Variants in PTPRG observed in about 807,000 individuals in gnomAD.
The protein encoded by PTPRG is receptor-type tyrosine-protein phosphatase gamma.
A neutral mutation model predicts 165.3 loss-of-function variants in PTPRG; 102 were observed. That is an observed-to-expected ratio of 0.62 (90% CI 0.53 to 0.73). The LOEUF (loss-of-function observed/expected upper bound fraction) is 0.73. PTPRG is among the 30% of genes least tolerant of loss of function. The pLI is 0.00. For missense variants in PTPRG, 1,866 were observed against 1,861.4 expected, an observed-to-expected ratio of 1.00 and a Z score of -0.05; for synonymous variants, 675 against 669.5, an observed-to-expected ratio of 1.01 and a Z score of -0.13.
intron 2 of PTPRG, among the ~76,000 whole-genome samples, chr3:61,963,375 A>G (rs1285564923): frequency 6.6e-6 from 1 of 152,194 alleles, no homozygotes; most frequent in Non-Finnish European, 1.5e-5. Flanking sequence ...CATGAACTGC[A>G]GTAAAAGATA....
intron 2 of PTPRG, among the ~76,000 whole-genome samples, chr3:61,781,932 T>C (rs887005167): frequency 1.3e-5 from 2 of 150,524 alleles, no homozygotes; most frequent in African/African-American, 4.9e-5. Flanking sequence ...GATACTACTA[T>C]GTTTCCCAGG....
chr3:61,567,630 C>T (rs1034230439), intron 1 of PTPRG, among the ~76,000 whole-genome samples: 7 of 147,006 alleles, frequency 4.8e-5, no homozygotes, highest in African/African-American at 1.3e-4. Flanking sequence ...CATGCCACTG[C>T]ACTCCAGCTT....
intron 2 of PTPRG, among the ~76,000 whole-genome samples, chr3:61,813,327 T>TAAAAA (rs757811011): frequency 4.6e-5 from 4 of 87,502 alleles, no homozygotes; most frequent in East Asian, 3.1e-4. Context: ...CCATGATTAC[T>TAAAAA]AAAAAAAAAA....
chr3:61,828,017 A>C (rs375210871), intron 2 of PTPRG, among the ~76,000 whole-genome samples: 4 of 152,198 alleles, frequency 2.6e-5, no homozygotes, highest in African/African-American at 9.6e-5. Context: ...TGATTCTTAG[A>C]TCAAGTCAGT....
At chr3:61,988,768 G>A (rs2040821194) in intron 2 of PTPRG, among the ~76,000 whole-genome samples, 1 of 152,162 alleles carries the variant, frequency 6.6e-6, no homozygotes, top group Non-Finnish European at 1.5e-5. Context: ...AAGGTTAAAA[G>A]TAGGATGCAG....
intron 1 of PTPRG, among the ~76,000 whole-genome samples, chr3:61,618,683 T>G (rs566211044): frequency 1.3e-5 from 2 of 152,276 alleles, no homozygotes; most frequent in South Asian, 4.1e-4. Context: ...TCTGAAGAAA[T>G]TTTTCTTAAG....
intron 1 of PTPRG, among the ~76,000 whole-genome samples, chr3:61,575,781 A>G (rs865972360): frequency 6.6e-6 from 1 of 151,832 alleles, no homozygotes; most frequent in Non-Finnish European, 1.5e-5. Flanking sequence ...TATATTTTAC[A>G]TAGAGATGAG....
At chr3:61,781,908 T>TTTTA (rs71100979) in intron 2 of PTPRG, among the ~76,000 whole-genome samples, 1 of 150,634 alleles carries the variant, frequency 6.6e-6, no homozygotes, top group African/African-American at 2.4e-5. Flanking sequence ...TTTTTTTTTT[T>TTTTA]ATGGTAGAGA....
intron 4 of PTPRG, among the ~76,000 whole-genome samples, chr3:62,029,467 A>G (rs938964362): frequency 6.6e-6 from 1 of 152,232 alleles, no homozygotes; most frequent in Non-Finnish European, 1.5e-5. Flanking sequence ...AAACGCTAAA[A>G]CACTAGATAT....
chr3:62,167,939 T>C (rs565604114), intron 7 of PTPRG, 32 bp from the exon 8 acceptor site: 3 of 1,568,848 alleles, frequency 1.9e-6, no homozygotes, highest in Non-Finnish European at 2.6e-6. Context: ...TTGTTTTTTT[T>C]TTCCCCCTCC....
rs145016700 is a variant in PTPRG at position 62,218,947 on chromosome 3, G to T, written c.2252G>T (p.Cys751Phe). Residue 751 changes from cysteine (C) to phenylalanine (F), a missense_variant, in exon 13 of 30, where the codon TGC becomes TTC. Around this residue, in one of 3 missense-constraint regions of PTPRG, gnomAD observed 1,452 missense variants for 1,463.0 expected, o/e 0.99. Transcript: ENST00000474889. The part of the protein sequence containing the change: ...LIVVSALTFV[C>F]LILLIAVLVY... ...GTGGTATCAGCCTTGACCTTCGTGT[G>T]CCTCATCCTTCTCATTGCTGTGCTC... The T allele has an allele frequency of 6.9e-4, 1,110 of 1,614,164 alleles. 3 individuals carry two copies. The highest frequency in any genetic ancestry group is 8.2e-4 in the Non-Finnish European group (973 of 1,180,010).
chr3:62,281,796 C>T lies in PTPRG; in HGVS notation c.3912+87C>T, dbSNP rs969688065. 9.3e-6 allele frequency: 12 copies of T among 1,292,860 alleles called. No individual in the cohort carries two copies. In the South Asian group the frequency reaches 2.0e-4, roughly 21 times the overall value. 80.1% of individuals were successfully genotyped at this position (1,292,860 alleles called of 1,614,324 possible). A position where few individuals can be genotyped will look rare whatever the true frequency, so the allele number is the denominator to read the frequency against. ...TAATAATGAAATAATTTACCACCCT[C>T]AAGCCAGGCTCAGGCATTTGAGTAA... is the stretch of plus-strand genomic sequence containing the variant. On this transcript the variant is annotated intron_variant, in intron 27 of 29. Transcript: ENST00000474889.
At chr3:62,064,294 A>G (rs1053905155) in intron 4 of PTPRG, among the ~76,000 whole-genome samples, 7 of 152,178 alleles carry the variant, frequency 4.6e-5, no homozygotes, top group African/African-American at 1.7e-4. Context: ...CCTTAGATCT[A>G]TATACTTGGG....
chr3:61,982,077 T>C (rs917986902), intron 2 of PTPRG, among the ~76,000 whole-genome samples: 8 of 152,200 alleles, frequency 5.3e-5, no homozygotes, highest in African/African-American at 1.9e-4. Context: ...CCTTGGATGA[T>C]TGTTTCTATT....
intron 2 of PTPRG, among the ~76,000 whole-genome samples, chr3:61,945,761 T>G (rs994241021): frequency 1.3e-5 from 2 of 152,102 alleles, no homozygotes; most frequent in Non-Finnish European, 2.9e-5. Flanking sequence ...TGGCTACCAT[T>G]TAGAGAACAC....
intron 7 of PTPRG, among the ~76,000 whole-genome samples, chr3:62,166,499 C>T (rs1704991241): frequency 6.6e-6 from 1 of 151,380 alleles, no homozygotes; most frequent in Non-Finnish European, 1.5e-5. Flanking sequence ...TTATGCCTGG[C>T]TAATTTTTGT....
chr3:61,871,108 CTGTTATGTTA>C (rs200340668), intron 2 of PTPRG, among the ~76,000 whole-genome samples: 1,288 of 125,854 alleles, frequency 0.01, 24 homozygotes, highest in East Asian at 0.07. Context: ...CCTACATTCC[CTGTTATGTTA>C]TGTTATGTTA....
At chr3:62,088,533 C>A (rs572288479) in intron 5 of PTPRG, among the ~76,000 whole-genome samples, 1 of 152,152 alleles carries the variant, frequency 6.6e-6, no homozygotes, top group Non-Finnish European at 1.5e-5. Context: ...TTAAATCTGC[C>A]CTATTCCTAC....
intron 5 of PTPRG, among the ~76,000 whole-genome samples, chr3:62,091,775 T>TCCCAGTG (rs1303259848): frequency 3.3e-5 from 5 of 152,104 alleles, no homozygotes; most frequent in Non-Finnish European, 7.3e-5. Context: ...ATTTCATTAG[T>TCCCAGTG]CCCAGTGTTT....
Sources: allele counts gnomAD v4.1 joint callset (sites outside exome capture counted in the v4.1 genomes callset), GRCh38; gene constraint gnomAD v4.1.1; regional missense constraint gnomAD v4.1.1; transcripts MANE v1.5; gene names NCBI Gene and HGNC (gene_info 2026-07-23, HGNC 2026-07-21).